CHIC2: variants seen among roughly 807,000 people sequenced by gnomAD.
CHIC2 encodes cysteine rich hydrophobic domain 2, also known as cysteine-rich hydrophobic domain-containing protein 2.
In CHIC2, 14 loss-of-function variants were observed where a neutral mutation model predicts 25.9. The observed-to-expected ratio is 0.54, with a 90% CI of 0.36 to 0.85. CHIC2 has a LOEUF of 0.85. Ranked by LOEUF, CHIC2 falls within the 40% of genes least tolerant of loss-of-function variation. CHIC2 has a pLI of 0.01. For missense variants in CHIC2, 146 were observed against 202.0 expected (o/e 0.72, Z 1.68); for synonymous variants, 70 against 72.0 (o/e 0.97, Z 0.14).
upstream of CHIC2, among the ~76,000 whole-genome samples, chr4:54,065,022 A>G (rs1717479323): frequency 6.6e-6 from 1 of 152,248 alleles, no homozygotes; most frequent in South Asian, 2.1e-4. Context: ...TGTGCGTGTC[A>G]TTGCCAGTTT....
intron 3 of CHIC2, among the ~76,000 whole-genome samples, chr4:54,039,447 AAT>A (rs1448641834): frequency 3.9e-5 from 6 of 152,220 alleles, no homozygotes; most frequent in Admixed American, 3.3e-4. Flanking sequence ...ACAAATGGCA[AAT>A]AAGCACATGA....
chr4:54,020,237 G>C (rs1715857728), intron 3 of CHIC2, among the ~76,000 whole-genome samples: 1 of 152,060 alleles, frequency 6.6e-6, no homozygotes, highest in South Asian at 2.1e-4. Flanking sequence ...CACCTTAACT[G>C]ATCAACGTGC....
At chr4:54,072,830 T>C in the CHIC2 span, among the ~76,000 whole-genome samples, 14 of 152,288 alleles carry the variant, frequency 9.2e-5, no homozygotes, top group African/African-American at 2.6e-4. Context: ...CCCAGCACTT[T>C]GGGAGGCCAA....
At chr4:54,066,561 A>G (rs1488428046), upstream of CHIC2, among the ~76,000 whole-genome samples, 1 of 151,882 alleles carries the variant, frequency 6.6e-6, no homozygotes, top group Non-Finnish European at 1.5e-5. Context: ...TCTCAAGGCC[A>G]TGTGACGATT....
intron 1 of CHIC2, among the ~76,000 whole-genome samples, chr4:54,054,740 CCTAA>C (rs971119897): frequency 6.6e-6 from 1 of 152,188 alleles, no homozygotes; most frequent in African/African-American, 2.4e-5. Context: ...AACAGTCCTG[CCTAA>C]CTTAGATAAC....
At chr4:54,014,608 C>A (rs1479115038) in intron 3 of CHIC2, among the ~76,000 whole-genome samples, 3 of 151,952 alleles carry the variant, frequency 2.0e-5, no homozygotes, top group Admixed American at 2.0e-4. Context: ...AAATAATGCC[C>A]ATATTTAAAA....
intron 1 of CHIC2, chr4:54,061,299 GA>G (rs1717326063): frequency 6.6e-6 from 1 of 152,000 alleles, no homozygotes; most frequent in Non-Finnish European, 1.5e-5. Flanking sequence ...CGTCACGTGA[GA>G]ATACCAGTTT....
chr4:54,032,275 C>T (rs1237065591), intron 3 of CHIC2, among the ~76,000 whole-genome samples: 1 of 140,068 alleles, frequency 7.1e-6, no homozygotes, highest in Admixed American at 7.1e-5. Context: ...CCCCCTCCCC[C>T]TCCCCCTCCC....
the CHIC2 span, among the ~76,000 whole-genome samples, chr4:54,079,290 A>C: frequency 6.6e-6 from 1 of 152,178 alleles, no homozygotes; most frequent in African/African-American, 2.4e-5. Flanking sequence ...CTTAAGCTAA[A>C]GTCTGAAACC....
chr4:54,073,253 A>G, the CHIC2 span, among the ~76,000 whole-genome samples: 1 of 152,122 alleles, frequency 6.6e-6, no homozygotes, highest in Non-Finnish European at 1.5e-5. Context: ...CTCTGACTAG[A>G]TGGTGTGACT....
chr4:54,054,821 G>C (rs1717123798), intron 1 of CHIC2, among the ~76,000 whole-genome samples: 1 of 152,212 alleles, frequency 6.6e-6, no homozygotes, highest in Non-Finnish European at 1.5e-5. Flanking sequence ...GTAACATGCA[G>C]AGCTGACAGA....
intron 3 of CHIC2, among the ~76,000 whole-genome samples, chr4:54,048,123 G>C (rs1449949334): frequency 3.9e-5 from 6 of 151,982 alleles, no homozygotes; most frequent in Non-Finnish European, 8.8e-5. Flanking sequence ...TGACTAACTG[G>C]GATTACAGGC....
intron 3 of CHIC2, among the ~76,000 whole-genome samples, chr4:54,033,616 T>C (rs1170814617): frequency 1.3e-5 from 2 of 152,116 alleles, no homozygotes; most frequent in East Asian, 3.9e-4. Context: ...GTCACAAGGA[T>C]TTTTCTCCTA....
At chr4:54,083,189 A>G in the CHIC2 span, among the ~76,000 whole-genome samples, 3 of 151,426 alleles carry the variant, frequency 2.0e-5, no homozygotes, top group East Asian at 5.8e-4. Context: ...CTAATTTTGT[A>G]TTTTTAGTAG....
intron 1 of CHIC2, among the ~76,000 whole-genome samples, chr4:54,052,005 C>CA (rs1560396161): frequency 6.6e-6 from 1 of 152,174 alleles, no homozygotes; most frequent in East Asian, 1.9e-4. Context: ...CTCTTTTCAG[C>CA]AAGTCTTCTT....
At chr4:54,057,015 A>C (rs1445030276) in intron 1 of CHIC2, among the ~76,000 whole-genome samples, 1 of 152,188 alleles carries the variant, frequency 6.6e-6, no homozygotes, top group Non-Finnish European at 1.5e-5. Context: ...TATGCCATCA[A>C]AATCACTCCC....
intron 1 of CHIC2, among the ~76,000 whole-genome samples, chr4:54,052,789 A>G (rs969056417): frequency 1.3e-5 from 2 of 152,242 alleles, no homozygotes; most frequent in Non-Finnish European, 2.9e-5. Context: ...TGTTACAACC[A>G]TTTCAGATTA....
chr4:54,044,239 C>G (rs541905637), intron 3 of CHIC2, among the ~76,000 whole-genome samples: 49 of 152,296 alleles, frequency 3.2e-4, no homozygotes, highest in African/African-American at 1.1e-3. Flanking sequence ...TTAGACAGAT[C>G]AACAAGACAG....
upstream of CHIC2, among the ~76,000 whole-genome samples, chr4:54,066,457 C>T (rs1260753460): frequency 2.6e-5 from 4 of 152,044 alleles, no homozygotes; most frequent in African/African-American, 7.3e-5. Context: ...CCCCAAGAAC[C>T]TGTGAGGTAA....
Sources: allele counts gnomAD v4.1 joint callset (sites outside exome capture counted in the v4.1 genomes callset), GRCh38; gene constraint gnomAD v4.1.1; transcripts MANE v1.5; gene names NCBI Gene and HGNC (gene_info 2026-07-23, HGNC 2026-07-21).